TMEM132B: variants seen among roughly 807,000 people sequenced by gnomAD.
The protein encoded by TMEM132B is transmembrane protein 132B.
Under a neutral mutation model 90.8 loss-of-function variants are expected in TMEM132B, and 18 were observed. The ratio of observed to expected loss-of-function variants is 0.20; its 90% confidence interval spans 0.14 to 0.29. The LOEUF (loss-of-function observed/expected upper bound fraction) is 0.29, where lower values mean the gene tolerates loss of function less well. TMEM132B is among the 10% of genes least tolerant of loss of function. TMEM132B has a pLI of 1.00. For synonymous variants in TMEM132B, 504 were observed against 523.3 expected (o/e 0.96, Z 0.50); for missense variants, 1,096 against 1,326.8 (o/e 0.83, Z 2.70).
intron 1 of TMEM132B, among the ~76,000 whole-genome samples, chr12:125,331,906 G>C (rs1348429075): frequency 6.6e-6 from 1 of 152,034 alleles, no homozygotes; most frequent in Non-Finnish European, 1.5e-5. Flanking sequence ...GACACTTGCT[G>C]TCTTGCCTGG....
At chr12:125,468,029 T>A (rs1007163368) in intron 3 of TMEM132B, among the ~76,000 whole-genome samples, 4 of 151,836 alleles carry the variant, frequency 2.6e-5, no homozygotes, top group African/African-American at 9.6e-5. Context: ...ATTTGGGTTA[T>A]TTCCATCTTT....
At chr12:125,434,411 A>G (rs1474157499) in intron 3 of TMEM132B, among the ~76,000 whole-genome samples, 1 of 151,540 alleles carries the variant, frequency 6.6e-6, no homozygotes, top group East Asian at 1.9e-4. Context: ...TGGGGCCACC[A>G]TTCTGCCTAT....
intron 5 of TMEM132B, among the ~76,000 whole-genome samples, chr12:125,597,378 C>G (rs1476489229): frequency 2.0e-5 from 3 of 152,148 alleles, no homozygotes; most frequent in Non-Finnish European, 4.4e-5. Context: ...TGCCTGGCTT[C>G]AGGTTGTTCA....
At chr12:125,345,199 T>A (rs951923596) in intron 1 of TMEM132B, among the ~76,000 whole-genome samples, 15 of 152,210 alleles carry the variant, frequency 9.9e-5, no homozygotes, top group African/African-American at 3.6e-4. Context: ...TGGCTCTCGA[T>A]GCCTGAGTTG....
chr12:125,485,671 C>G (rs1290590694), intron 3 of TMEM132B, among the ~76,000 whole-genome samples: 2 of 152,134 alleles, frequency 1.3e-5, no homozygotes, highest in East Asian at 3.8e-4. Context: ...TTTGAAGTTA[C>G]TGTAGTTCCA....
chr12:125,354,079 C>A (rs1360761487), intron 2 of TMEM132B, among the ~76,000 whole-genome samples: 1 of 152,118 alleles, frequency 6.6e-6, no homozygotes, highest in East Asian at 1.9e-4. Context: ...GGGAACCCAC[C>A]AAGATTTTAG....
rs1237769229 is a variant in TMEM132B at position 125,657,594 on chromosome 12, G to A, written c.*2884G>A. 2 of 152,118 alleles carry A rather than the reference G, an allele frequency of 1.3e-5. No individual in the cohort carries two copies. The highest frequency in any genetic ancestry group is 1.9e-4 in the East Asian group (1 of 5,194). The allele number at this position is 152,118 out of a possible 1,614,324, so 9.4% of individuals were successfully genotyped here. ...GTGCCCCAAAATATCTAAAATGGGG[G>A]TAAAGATATAAACTATTAAGCCATG... On this transcript the variant is annotated 3_prime_UTR_variant, in exon 9 of 9. Transcript: ENST00000682704.
intron 1 of TMEM132B, among the ~76,000 whole-genome samples, chr12:125,263,682 A>G (rs1874621224): frequency 1.3e-5 from 2 of 152,230 alleles, no homozygotes; most frequent in Admixed American, 1.3e-4. Context: ...TATCTGAGAT[A>G]TGGGTATAAA....
At chr12:125,325,038 A>G (rs934055874) in intron 1 of TMEM132B, among the ~76,000 whole-genome samples, 5 of 152,004 alleles carry the variant, frequency 3.3e-5, no homozygotes, top group African/African-American at 1.2e-4. Flanking sequence ...CTCTTCTGGC[A>G]TTGTTTCCAC....
intron 1 of TMEM132B, among the ~76,000 whole-genome samples, chr12:125,187,531 A>G (rs1346660150): frequency 6.6e-6 from 1 of 152,208 alleles, no homozygotes; most frequent in Non-Finnish European, 1.5e-5. Context: ...AGCCGCGGCC[A>G]AGCAGTCCAG....
intron 5 of TMEM132B, among the ~76,000 whole-genome samples, chr12:125,611,132 T>G (rs564336991): frequency 1.8e-4 from 27 of 152,256 alleles, no homozygotes; most frequent in Admixed American, 9.8e-4. Context: ...CCAATTTTTA[T>G]TTGTCTTTTT....
At chr12:125,294,161 T>G (rs1307841714) in intron 1 of TMEM132B, among the ~76,000 whole-genome samples, 2 of 152,380 alleles carry the variant, frequency 1.3e-5, no homozygotes, top group East Asian at 3.9e-4. Context: ...CCATGCCCTC[T>G]GTGCCTGATC....
intron 3 of TMEM132B, among the ~76,000 whole-genome samples, chr12:125,510,031 T>A (rs1171321050): frequency 1.3e-5 from 2 of 152,186 alleles, no homozygotes; most frequent in Non-Finnish European, 2.9e-5. Context: ...AAAGTTGTAT[T>A]TAAGAACGTG....
Position 125,246,908 on chromosome 12 carries a change from G to T in TMEM132B, c.67+60042G>T, listed in dbSNP as rs1218163294. Among the ~76,000 whole-genome samples the T allele has an allele frequency of 6.6e-6, 1 of 151,294 alleles. No individual in the cohort carries two copies. The highest frequency in any genetic ancestry group is 6.6e-5 in the Admixed American group (1 of 15,200). On this transcript the variant is annotated intron_variant, in intron 1 of 8. Transcript: ENST00000682704. The surrounding 1 kb of genome is among the most constrained non-coding windows in gnomAD (Gnocchi z 4.2). ...ACATTTCCCACCGGGAGAGCCTGGG[G>T]TTTGTGGGGGAGGTGGTGGGGGTAG...
intron 4 of TMEM132B, among the ~76,000 whole-genome samples, chr12:125,536,202 G>A (rs372438934): frequency 3.0e-4 from 45 of 152,324 alleles, no homozygotes; most frequent in African/African-American, 1.0e-3. Flanking sequence ...TCCTTGCAAG[G>A]TGGTGACAGA....
At chr12:125,303,097 TA>T (rs1230009411) in intron 1 of TMEM132B, among the ~76,000 whole-genome samples, 4 of 147,798 alleles carry the variant, frequency 2.7e-5, no homozygotes, top group Non-Finnish European at 3.0e-5. Flanking sequence ...CTCTGCATAT[TA>T]AAAAAAAAAC....
intron 8 of TMEM132B, among the ~76,000 whole-genome samples, chr12:125,653,362 A>C (rs1385089372): frequency 1.3e-5 from 2 of 152,222 alleles, no homozygotes; most frequent in Non-Finnish European, 2.9e-5. Context: ...AAAGTATATT[A>C]TTTATTCCTT....
chr12:125,246,884 C>A lies in TMEM132B; in HGVS notation c.67+60018C>A, dbSNP rs1874218526. Among the ~76,000 whole-genome samples the A allele has an allele frequency of 6.6e-6, 1 of 151,880 alleles. No individual in the cohort carries two copies. Among genetic ancestry groups the A allele is most frequent in the African/African-American group, 2.4e-5 (1 of 41,346 alleles). ...CATTTGGGGTTTCAGCATTTCATCA[C>A]ATTTCCCACCGGGAGAGCCTGGGGT... On this transcript the variant is annotated intron_variant, in intron 1 of 8. Transcript: ENST00000682704. The surrounding 1 kb of genome is among the most constrained non-coding windows in gnomAD (Gnocchi z 4.2).
intron 4 of TMEM132B, among the ~76,000 whole-genome samples, chr12:125,520,116 A>C (rs1269586621): frequency 6.6e-6 from 1 of 152,184 alleles, no homozygotes; most frequent in Admixed American, 6.5e-5. Flanking sequence ...CCCAGAGTCC[A>C]CAAAACTGTC....
Sources: allele counts gnomAD v4.1 joint callset (sites outside exome capture counted in the v4.1 genomes callset), GRCh38; gene constraint gnomAD v4.1.1; non-coding constraint Gnocchi (gnomAD v3.1); transcripts MANE v1.5; gene names NCBI Gene and HGNC (gene_info 2026-07-23, HGNC 2026-07-21).